Variants in CLIP4 observed in about 807,000 individuals in gnomAD.
CLIP4 encodes CAP-Gly domain containing linker protein family member 4.
In CLIP4, 47 loss-of-function variants were observed where a neutral mutation model predicts 73.1. That is an observed-to-expected ratio of 0.64 (90% confidence interval 0.51 to 0.82). The LOEUF is 0.82. CLIP4 is among the 40% of genes least tolerant of loss of function. The probability of loss-of-function intolerance (pLI) is 0.00; values close to 1 mark genes in which losing one functional copy is unlikely to be tolerated. For missense variants in CLIP4, 874 were observed against 852.9 expected, an observed-to-expected ratio of 1.02 and a Z score of -0.31; for synonymous variants, 306 against 295.4, an observed-to-expected ratio of 1.04 and a Z score of -0.37.
At chr2:29,109,682 G>A (rs1668333567) in intron 1 of CLIP4, among the ~76,000 whole-genome samples, 2 of 152,176 alleles carry the variant, frequency 1.3e-5, no homozygotes, top group Admixed American at 6.5e-5. Flanking sequence ...TGGAGGGTCT[G>A]GGGAGCAGTG....
intron 12 of CLIP4, among the ~76,000 whole-genome samples, chr2:29,161,322 C>T (rs1452924): frequency 0.14 from 21,270 of 151,904 alleles, 1,882 homozygotes; most frequent in Middle Eastern, 0.23. Flanking sequence ...AAACAGAAGT[C>T]GGTTGAACAA....
At chr2:29,106,070 T>TTTTTTTTA (rs1668197746) in intron 1 of CLIP4, among the ~76,000 whole-genome samples, 1 of 151,924 alleles carries the variant, frequency 6.6e-6, no homozygotes, top group African/African-American at 2.4e-5. Context: ...TTTTTTTTTT[T>TTTTTTTTA]GAGACAGCAT....
At chr2:29,139,319 G>A (rs570269464) in intron 6 of CLIP4, among the ~76,000 whole-genome samples, 10 of 151,884 alleles carry the variant, frequency 6.6e-5, no homozygotes, top group Non-Finnish European at 1.3e-4. Context: ...ACTTGCATAC[G>A]TTGAACCTCC....
intron 2 of CLIP4, among the ~76,000 whole-genome samples, chr2:29,122,236 GTTTC>G (rs907710616): frequency 1.3e-5 from 1 of 79,164 alleles, no homozygotes; most frequent in Non-Finnish European, 2.4e-5. Flanking sequence ...TCATCTCCAA[GTTTC>G]TTTTTTTTTT....
intron 8 of CLIP4, among the ~76,000 whole-genome samples, 188 bp downstream of exon 8, chr2:29,145,555 A>C (rs889136009): frequency 1.3e-5 from 2 of 152,170 alleles, no homozygotes; most frequent in African/African-American, 4.8e-5. Flanking sequence ...AGGCGACGTG[A>C]GAGGGAGAAA....
At chr2:29,116,955 TG>T (rs1324681306) in intron 1 of CLIP4, among the ~76,000 whole-genome samples, 1 of 152,228 alleles carries the variant, frequency 6.6e-6, no homozygotes, top group Non-Finnish European at 1.5e-5. Flanking sequence ...TTGAAACTAG[TG>T]ATCTTTAGAT....
rs1324803715 is a variant in CLIP4 at position 29,115,624 on chromosome 2, G to C, written c.-57G>C. On this transcript the variant is annotated 5_prime_UTR_variant, in exon 1 of 16. Transcript: ENST00000320081. This position sits in a 1 kb window ranked among gnomAD's most constrained non-coding sequence, Gnocchi z 5.1. Reference sequence around the variant, plus strand: ...CTCTCGGCCTTTCCTCCGCGCCCCCGCGTCCCCAGCCGGCCGCTCCGAGAG... The same window carrying C: ...CTCTCGGCCTTTCCTCCGCGCCCCCCCGTCCCCAGCCGGCCGCTCCGAGAG... 6.8e-6 allele frequency: 1 copy of C among 147,426 alleles called. No individual in the cohort carries two copies. Among genetic ancestry groups the C allele is most frequent in the Non-Finnish European group, 1.5e-5 (1 of 66,126 alleles). The allele number at this position is 147,426 out of a possible 1,614,324, so 9.1% of individuals were successfully genotyped here. A position where few individuals can be genotyped will look rare whatever the true frequency, so the allele number is the denominator to read the frequency against.
In CLIP4 at chr2:29,171,765, G is replaced by A. The variant is rs530596788; in HGVS notation, c.1724-2608G>A. ...GATCTCCTGACCTTGTGATCTGCCC[G>A]CCTCGGCCTCCCAAAGTGCTGGGAT... On this transcript the variant is annotated intron_variant, in intron 14 of 15. Coordinates refer to ENST00000320081, the MANE Select transcript of CLIP4 (RefSeq NM_024692.6). 5.0e-3 allele frequency among the ~76,000 whole-genome samples: 767 copies of A among 152,074 alleles called. 3 individuals are homozygous for A. Among genetic ancestry groups the A allele is most frequent in the Admixed American group, 9.4e-3 (143 of 15,268 alleles).
At chr2:29,100,562 A>G (rs11884712) in intron 1 of CLIP4, among the ~76,000 whole-genome samples, 2,634 of 152,058 alleles carry the variant, frequency 0.017, 69 homozygotes, top group African/African-American at 0.06. Context: ...ACCCCCATGA[A>G]GTTCACAATT....
chr2:29,168,260 C>T (rs1667757176), intron 14 of CLIP4, among the ~76,000 whole-genome samples: 1 of 152,158 alleles, frequency 6.6e-6, no homozygotes, highest in Admixed American at 6.5e-5. Flanking sequence ...GGGCCATATG[C>T]ATTTCCTCTA....
chr2:29,134,435 A>G (rs1201809491), intron 5 of CLIP4, among the ~76,000 whole-genome samples: 1 of 152,188 alleles, frequency 6.6e-6, no homozygotes, highest in Non-Finnish European at 1.5e-5. Flanking sequence ...TATTTTCCCC[A>G]TTGTAGGAAC....
intron 7 of CLIP4, among the ~76,000 whole-genome samples, chr2:29,144,642 C>T (rs894328306): frequency 6.6e-6 from 1 of 151,820 alleles, no homozygotes; most frequent in Non-Finnish European, 1.5e-5. Flanking sequence ...ACCCATCAAC[C>T]CGTCATCTAC....
At chr2:29,144,934 C>T (rs1163144072) in intron 7 of CLIP4, among the ~76,000 whole-genome samples, 1 of 150,788 alleles carries the variant, frequency 6.6e-6, no homozygotes, top group African/African-American at 2.4e-5. Flanking sequence ...CCTGTAGTAG[C>T]TGGAACTACA....
intron 15 of CLIP4, among the ~76,000 whole-genome samples, chr2:29,178,845 A>T (rs112044553): frequency 6.6e-6 from 1 of 152,136 alleles, no homozygotes; most frequent in Admixed American, 6.5e-5. Context: ...CCCAGGCTGG[A>T]GAGCAGTGGC....
chr2:29,132,592 C>G (rs937065518), intron 4 of CLIP4: 11 of 218,898 alleles, frequency 5.0e-5, no homozygotes, highest in Admixed American at 3.9e-4. Flanking sequence ...CTTAAGACCC[C>G]AGTCTTGAGA....
At chr2:29,173,333 C>G (rs557670675) in intron 14 of CLIP4, among the ~76,000 whole-genome samples, 6 of 152,332 alleles carry the variant, frequency 3.9e-5, no homozygotes, top group African/African-American at 1.4e-4. Flanking sequence ...TTTCCTTTGT[C>G]TTCATCTGAA....
intron 8 of CLIP4, among the ~76,000 whole-genome samples, chr2:29,151,647 T>C (rs1047153674): frequency 6.6e-6 from 1 of 152,178 alleles, no homozygotes; most frequent in African/African-American, 2.4e-5. Context: ...AGCACTCACT[T>C]CTTACAGAGT....
chr2:29,174,966 C>G (rs762899079), intron 15 of CLIP4, among the ~76,000 whole-genome samples: 66 of 152,180 alleles, frequency 4.3e-4, no homozygotes, highest in Admixed American at 2.2e-3. Context: ...TTCACTACCC[C>G]CCATTGGTTT....
At chr2:29,155,113 T>G (rs1666832356) in intron 9 of CLIP4, among the ~76,000 whole-genome samples, 1 of 152,048 alleles carries the variant, frequency 6.6e-6, no homozygotes, top group Non-Finnish European at 1.5e-5. Context: ...ACATAAAGAT[T>G]TTAAGTAATG....
Sources: allele counts gnomAD v4.1 joint callset (sites outside exome capture counted in the v4.1 genomes callset), GRCh38; gene constraint gnomAD v4.1.1; non-coding constraint Gnocchi (gnomAD v3.1); transcripts MANE v1.5; gene names NCBI Gene and HGNC (gene_info 2026-07-23, HGNC 2026-07-21).